The following GAS7 variants were observed in gnomAD, a reference collection of about 807,000 sequenced individuals.
GAS7 encodes growth arrest-specific protein 7.
Under a neutral mutation model 71.1 loss-of-function variants are expected in GAS7, and 28 were observed. The ratio of observed to expected loss-of-function variants is 0.39; its 90% CI spans 0.29 to 0.54. The LOEUF is 0.54. GAS7 is among the 20% of genes least tolerant of loss of function. The pLI, the probability that GAS7 is intolerant of heterozygous loss-of-function variation, is 0.62. For missense variants in GAS7, 436 were observed against 627.8 expected (o/e 0.69, Z 3.27); for synonymous variants, 258 against 245.8 (o/e 1.05, Z -0.46).
chr17:9,916,642 C>T lies in GAS7; in HGVS notation c.*586G>A. 3.3e-6 allele frequency: 1 copy of T among 302,710 alleles called. No homozygotes were observed. Among genetic ancestry groups the T allele is most frequent in the Admixed American group, 5.1e-5 (1 of 19,776 alleles). 18.8% of individuals were successfully genotyped at this position (302,710 alleles called of 1,614,324 possible). On this transcript the variant is annotated 3_prime_UTR_variant, in exon 14 of 14. Coordinates refer to ENST00000432992, the MANE Select transcript of GAS7 (RefSeq NM_201433.2). ...CATGGTGGGTCTGGGAAGACAGGAG[C>T]CAAGCCTTCCTCCTAAAACCCCTGG...
rs865978602 is a variant in GAS7, at chr17:10,017,137, T to A, written c.304+2640A>T. 4.0e-4 allele frequency among the ~76,000 whole-genome samples: 41 copies of A among 102,384 alleles called. No individual in the cohort carries two copies. The East Asian group carries it at 4.5e-3, about 11-fold the overall frequency. 67.2% of individuals were successfully genotyped at this position (102,384 alleles called of 152,430 possible). A position where few individuals can be genotyped will look rare whatever the true frequency, so the allele number is the denominator to read the frequency against. On this transcript the variant is annotated intron_variant, in intron 2 of 13. Coordinates refer to ENST00000432992, the MANE Select transcript of GAS7 (RefSeq NM_201433.2). Reference sequence around the variant, plus strand: ...CAGAGTGAGACCCTGTCTAAAAAAATAAATAAATAAATAAATAAATAAATA... The same window carrying A: ...CAGAGTGAGACCCTGTCTAAAAAAAAAAATAAATAAATAAATAAATAAATA...
chr17:10,191,223 A>C (rs1379206872), intron 1 of GAS7, among the ~76,000 whole-genome samples: 1 of 151,754 alleles, frequency 6.6e-6, no homozygotes. Flanking sequence ...CCCCATTCAA[A>C]GGCCATCCTG....
chr17:10,192,533 G>A (rs897438539), intron 1 of GAS7, among the ~76,000 whole-genome samples: 6 of 152,164 alleles, frequency 3.9e-5, no homozygotes, highest in Admixed American at 6.5e-5. Flanking sequence ...AGAAGAGTAC[G>A]TGAAGGTCAG....
At chr17:10,161,938 G>A (rs1021682758) in intron 1 of GAS7, among the ~76,000 whole-genome samples, 14 of 152,028 alleles carry the variant, frequency 9.2e-5, no homozygotes, top group African/African-American at 3.4e-4. Flanking sequence ...GTGGTGGCGG[G>A]CGCCTGTATT....
rs1012624993 is a variant in GAS7, at chr17:10,146,029, G to A, written c.183+52179C>T. ...ATCAGGTCCTGCGCTGATGGACCTT[G>A]AGAGAATGGTGGCTACAGAGGACAA... On this transcript the variant is annotated intron_variant, in intron 1 of 13. Transcript: ENST00000432992. 3.3e-4 allele frequency among the ~76,000 whole-genome samples: 50 copies of A among 152,128 alleles called. 1 individual carries two copies. Among genetic ancestry groups the A allele is most frequent in the African/African-American group, 1.2e-3 (49 of 41,414 alleles).
At chr17:10,042,727 C>T (rs12603484) in intron 1 of GAS7, among the ~76,000 whole-genome samples, 17,330 of 152,124 alleles carry the variant, frequency 0.11, 1,178 homozygotes, top group East Asian at 0.16. Flanking sequence ...AGGGAGGCTT[C>T]CCAAAAGATA....
At chr17:9,968,458 GA>G (rs2069815254) in intron 4 of GAS7, among the ~76,000 whole-genome samples, 1 of 152,214 alleles carries the variant, frequency 6.6e-6, no homozygotes, top group African/African-American at 2.4e-5. Flanking sequence ...CAAAACATAA[GA>G]AGTCCTGACA....
At chr17:10,137,504 C>T (rs2074048140) in intron 1 of GAS7, among the ~76,000 whole-genome samples, 1 of 151,340 alleles carries the variant, frequency 6.6e-6, no homozygotes, top group Non-Finnish European at 1.5e-5. Flanking sequence ...GCTGTATTCC[C>T]TGTGTCTAGA....
intron 1 of GAS7, among the ~76,000 whole-genome samples, chr17:10,108,140 G>A (rs2073777626): frequency 6.6e-6 from 1 of 152,202 alleles, no homozygotes; most frequent in Non-Finnish European, 1.5e-5. Flanking sequence ...ACATGGCCCA[G>A]CGTGGCCAGC....
chr17:10,044,361 G>T (rs944103186), intron 1 of GAS7, among the ~76,000 whole-genome samples: 3 of 152,112 alleles, frequency 2.0e-5, no homozygotes, highest in African/African-American at 7.2e-5. Flanking sequence ...AACAACTAGG[G>T]GTGGCCATGA....
At chr17:10,091,987 C>T (rs946870192) in intron 1 of GAS7, among the ~76,000 whole-genome samples, 1 of 151,976 alleles carries the variant, frequency 6.6e-6, no homozygotes, top group Non-Finnish European at 1.5e-5. Context: ...AAAATGTGCC[C>T]TGACTAAAAC....
chr17:10,116,641 C>T lies in GAS7; in HGVS notation c.183+81567G>A, dbSNP rs73273878. Among the ~76,000 whole-genome samples, 1,042 of 152,224 alleles carry T rather than the reference C, an allele frequency of 6.8e-3. 8 individuals carry two copies. Among genetic ancestry groups the T allele is most frequent in the African/African-American group, 0.024 (992 of 41,556 alleles). ...GGACTTAGAGGGCAGCTGGCAGAGACAATGGGAAGAGAAGGTATTCCAGAC... is the reference window on the plus strand; with the variant it reads ...GGACTTAGAGGGCAGCTGGCAGAGATAATGGGAAGAGAAGGTATTCCAGAC... On this transcript the variant is annotated intron_variant, in intron 1 of 13. Coordinates refer to ENST00000432992, the MANE Select transcript of GAS7 (RefSeq NM_201433.2).
chr17:10,010,976 C>A (rs1019473941), intron 2 of GAS7, among the ~76,000 whole-genome samples: 4 of 152,230 alleles, frequency 2.6e-5, no homozygotes, highest in African/African-American at 4.8e-5. Context: ...ACAAAAACAG[C>A]TGTGAGTTGA....
intron 1 of GAS7, among the ~76,000 whole-genome samples, chr17:10,086,047 G>A (rs2073515772): frequency 6.6e-6 from 1 of 152,184 alleles, no homozygotes; most frequent in Non-Finnish European, 1.5e-5. Context: ...ACATATTGAG[G>A]GGGGTCAACT....
intron 2 of GAS7, among the ~76,000 whole-genome samples, chr17:9,992,152 CA>C (rs1225446858): frequency 6.6e-6 from 1 of 152,104 alleles, no homozygotes; most frequent in Non-Finnish European, 1.5e-5. Context: ...GGAACCCAGC[CA>C]AGGATCAGGA....
intron 9 of GAS7, among the ~76,000 whole-genome samples, chr17:9,930,237 T>C (rs1484511234): frequency 6.6e-6 from 1 of 152,244 alleles, no homozygotes; most frequent in African/African-American, 2.4e-5. Flanking sequence ...TGTGCAGATA[T>C]CGGAGTGGAT....
intron 2 of GAS7, among the ~76,000 whole-genome samples, chr17:9,994,633 G>A (rs951964316): frequency 6.6e-6 from 1 of 150,436 alleles, no homozygotes. Flanking sequence ...AAGGACTTCA[G>A]GTCTAAAACA....
At chr17:9,992,395 C>A (rs1264619983) in intron 2 of GAS7, among the ~76,000 whole-genome samples, 1 of 151,822 alleles carries the variant, frequency 6.6e-6, no homozygotes, top group Non-Finnish European at 1.5e-5. Flanking sequence ...CAGAGTCTTT[C>A]TAGAATAGGT....
In GAS7 at chr17:9,918,070, T is replaced by C. The variant is rs767477909; in HGVS notation, c.1248A>G (p.Val416=). 5.0e-6 allele frequency: 8 copies of C among 1,613,678 alleles called. No individual in the cohort carries two copies. The Admixed American group carries it at 1.2e-4, about 24-fold the overall frequency. ...LELERLEVER[V]EMIRQHLCQY... is the part of the protein sequence containing the mutation. ...GGCACAGGTGCTGCCGGATCATCTC[T>C]ACCCTCTCCACCTCCAGCCGCTCTA... is the stretch of plus-strand genomic sequence containing the variant. The change falls in exon 13 of 14, where the codon GTA becomes GTG. Residue 416 remains valine (V), a synonymous_variant. Coordinates refer to ENST00000432992, the MANE Select transcript of GAS7 (RefSeq NM_201433.2).
Sources: gnomAD v4.1 joint callset for allele counts (sites outside exome capture counted in the v4.1 genomes callset) on GRCh38, gnomAD v4.1.1 for gene constraint, MANE v1.5 for transcripts, NCBI Gene and HGNC (gene_info 2026-07-23, HGNC 2026-07-21) for gene names.